The following ITPR2 variants were observed in gnomAD, a reference collection of about 807,000 sequenced individuals.
ITPR2 encodes inositol 1,4,5-trisphosphate-gated calcium channel ITPR2.
ITPR2 carries 207 observed loss-of-function variants against 317.1 expected under a neutral mutation model. The observed-to-expected ratio is 0.65, with a 90% CI of 0.58 to 0.73. The LOEUF is 0.73. ITPR2 is among the 30% of genes least tolerant of loss of function. The pLI, the probability that ITPR2 is intolerant of heterozygous loss-of-function variation, is 0.00. For missense variants in ITPR2, 2,613 were observed against 3,284.0 expected (o/e 0.80, Z 4.99); for synonymous variants, 1,156 against 1,149.1 (o/e 1.01, Z -0.12).
intron 22 of ITPR2, among the ~76,000 whole-genome samples, 178 bp downstream of exon 22, chr12:26,631,688 T>C (rs1946754928): frequency 6.6e-6 from 1 of 152,222 alleles, no homozygotes; most frequent in South Asian, 2.1e-4. Flanking sequence ...ATGTGATTCA[T>C]ATGTTAAATA....
chr12:26,647,484 G>T (rs1188844688), intron 21 of ITPR2, among the ~76,000 whole-genome samples: 1 of 152,204 alleles, frequency 6.6e-6, no homozygotes, highest in Non-Finnish European at 1.5e-5. Flanking sequence ...CCTTTAGCAA[G>T]TATAAAACAG....
intron 38 of ITPR2, among the ~76,000 whole-genome samples, chr12:26,494,837 T>A (rs1399524711): frequency 4.1e-5 from 6 of 147,090 alleles, no homozygotes; most frequent in Non-Finnish European, 7.5e-5. Context: ...AATAGAACTC[T>A]TTATTAAATG....
chr12:26,369,154 A>C (rs1939106988), intron 55 of ITPR2, among the ~76,000 whole-genome samples: 1 of 152,210 alleles, frequency 6.6e-6, no homozygotes, highest in Non-Finnish European at 1.5e-5. Context: ...GAATGGGAGG[A>C]AAGGGCAGAG....
chr12:26,743,106 C>G (rs1258962117), intron 2 of ITPR2, among the ~76,000 whole-genome samples: 3 of 152,130 alleles, frequency 2.0e-5, no homozygotes, highest in Non-Finnish European at 2.9e-5. Context: ...ACTAAAACTA[C>G]TGAATTGTAC....
intron 1 of ITPR2, among the ~76,000 whole-genome samples, chr12:26,803,468 G>T (rs970407107): frequency 6.6e-6 from 1 of 152,170 alleles, no homozygotes; most frequent in African/African-American, 2.4e-5. Context: ...AAGATTATAG[G>T]TAGGAAAGAT....
intron 48 of ITPR2, among the ~76,000 whole-genome samples, chr12:26,434,962 T>G (rs1420806832): frequency 6.6e-6 from 1 of 152,204 alleles, no homozygotes; most frequent in Non-Finnish European, 1.5e-5. Flanking sequence ...TACTTCCTGG[T>G]GTATTTGCAG....
At chr12:26,510,145 A>G (rs1943299594) in intron 37 of ITPR2, among the ~76,000 whole-genome samples, 1 of 152,174 alleles carries the variant, frequency 6.6e-6, no homozygotes, top group Non-Finnish European at 1.5e-5. Context: ...CAAGAGTTTA[A>G]AGACAGTTTG....
chr12:26,764,704 T>C (rs1055369085), intron 2 of ITPR2, among the ~76,000 whole-genome samples: 5 of 132,792 alleles, frequency 3.8e-5, no homozygotes, highest in Admixed American at 1.5e-4. Flanking sequence ...ATAAAGCCCA[T>C]AAACAACAAC....
intron 39 of ITPR2, among the ~76,000 whole-genome samples, chr12:26,489,420 A>G (rs1591824692): frequency 6.6e-6 from 1 of 152,336 alleles, no homozygotes. Flanking sequence ...TTTCTAGAAA[A>G]GAGATGCTTA....
chr12:26,657,897 A>T lies in ITPR2; in HGVS notation c.2007-5T>A. ...TCTGCTTGCATTGAGACCACCCTTC[A>T]AATAAATAGCACATACAAAAATCTA... On this transcript the variant is annotated splice_region_variant and splice_polypyrimidine_tract_variant and intron_variant, in intron 17 of 56. Transcript: ENST00000381340. 6.2e-7 allele frequency: 1 copy of T among 1,612,680 alleles called. No homozygotes were observed. The highest frequency in any genetic ancestry group is 8.5e-7 in the Non-Finnish European group (1 of 1,179,100).
At position 26,621,212 on chromosome 12, in the gene ITPR2, T is replaced by C; in HGVS notation, c.3373A>G (p.Lys1125Glu). 6.2e-7 allele frequency: 1 copy of C among 1,613,894 alleles called. No individual in the cohort carries two copies. The highest frequency in any genetic ancestry group is 8.5e-7 in the Non-Finnish European group (1 of 1,179,786). ...DLDQLRLTVE[K>E]SELWVEKSSN... ...CTCTTCTCCACCCATAGCTCAGACT[T>C]TTCTACTGTCAGTCGAAGCTGGTCT... Residue 1125 changes from lysine to glutamate, a missense_variant, in exon 26 of 57, where the codon AAG becomes GAG. Physicochemically the swap from Lys to Glu is moderately conservative, Grantham distance 56. Transcript: ENST00000381340.
At chr12:26,529,437 G>T (rs1003432554) in intron 37 of ITPR2, among the ~76,000 whole-genome samples, 1 of 152,138 alleles carries the variant, frequency 6.6e-6, no homozygotes, top group South Asian at 2.1e-4. Flanking sequence ...TGCCCAGGAT[G>T]GCTGCATGGC....
At chr12:26,352,538 T>G (rs1447500998) in intron 55 of ITPR2, among the ~76,000 whole-genome samples, 2 of 152,218 alleles carry the variant, frequency 1.3e-5, no homozygotes, top group Non-Finnish European at 2.9e-5. Context: ...ATAGAACCAC[T>G]GCAGGAGTCC....
intron 49 of ITPR2, among the ~76,000 whole-genome samples, chr12:26,424,586 G>GTTTTTTTTTTTTTTTTTTTTT (rs775756580): frequency 3.7e-4 from 33 of 88,696 alleles, no homozygotes; most frequent in Non-Finnish European, 4.3e-4. Flanking sequence ...TTCGTTTTGT[G>GTTTTTTTTTTTTTTTTTTTTT]TTTTTTTTTT....
At chr12:26,580,243 A>T (rs919924627) in intron 32 of ITPR2, 88 bp from the exon 33 acceptor site, 4 of 1,187,748 alleles carry the variant, frequency 3.4e-6, no homozygotes, top group Admixed American at 2.2e-5. Flanking sequence ...TTGTCCTGAA[A>T]TAGTTGTCAG....
chr12:26,401,686 C>A (rs144352073), intron 52 of ITPR2, among the ~76,000 whole-genome samples: 390 of 152,278 alleles, frequency 2.6e-3, no homozygotes, highest in African/African-American at 8.9e-3. Context: ...TCAAGGCATG[C>A]GTATAAAAAC....
intron 2 of ITPR2, among the ~76,000 whole-genome samples, chr12:26,729,878 TGAA>T (rs1232124346): frequency 1.3e-5 from 2 of 151,928 alleles, no homozygotes; most frequent in African/African-American, 4.8e-5. Context: ...ACTTGGGTGA[TGAA>T]ATAATCTGTA....
intron 26 of ITPR2, among the ~76,000 whole-genome samples, chr12:26,603,697 G>A (rs925359464): frequency 6.6e-6 from 1 of 152,204 alleles, no homozygotes; most frequent in African/African-American, 2.4e-5. Context: ...TTTAAGGCAA[G>A]GTCTAGAACG....
intron 55 of ITPR2, among the ~76,000 whole-genome samples, chr12:26,368,685 A>T (rs552510692): frequency 7.2e-5 from 11 of 152,196 alleles, no homozygotes; most frequent in African/African-American, 2.7e-4. Flanking sequence ...AAGATATATC[A>T]TTACTTATTT....
Sources: allele counts gnomAD v4.1 joint callset (sites outside exome capture counted in the v4.1 genomes callset), GRCh38; gene constraint gnomAD v4.1.1; transcripts MANE v1.5; gene names NCBI Gene and HGNC (gene_info 2026-07-23, HGNC 2026-07-21).